CNTNAP2: variants seen among roughly 807,000 people sequenced by gnomAD.
CNTNAP2 encodes the protein contactin associated protein 2, also known as contactin-associated protein-like 2.
A neutral mutation model predicts 155.2 loss-of-function variants in CNTNAP2; 98 were observed. That is an observed-to-expected ratio of 0.63 (90% confidence interval 0.54 to 0.75). The LOEUF is 0.75. Ranked by LOEUF, CNTNAP2 falls within the 30% of genes least tolerant of loss-of-function variation. CNTNAP2 has a pLI of 0.00. For missense variants in CNTNAP2, 1,727 were observed against 1,688.1 expected (o/e 1.02, Z -0.40); for synonymous variants, 651 against 631.2 (o/e 1.03, Z -0.47).
intron 9 of CNTNAP2, among the ~76,000 whole-genome samples, chr7:147,366,801 ACACACACACACC>A (rs977252464): frequency 6.3e-5 from 9 of 143,122 alleles, no homozygotes; most frequent in South Asian, 2.2e-4. Context: ...ACACACACAC[ACACACACACACC>A]CCAATGTTTA....
intron 14 of CNTNAP2, among the ~76,000 whole-genome samples, chr7:147,960,175 G>A (rs972217491): frequency 6.6e-6 from 1 of 152,056 alleles, no homozygotes; most frequent in Non-Finnish European, 1.5e-5. Flanking sequence ...GAATTCCCAA[G>A]GACACTATAA....
intron 18 of CNTNAP2, among the ~76,000 whole-genome samples, chr7:148,181,091 G>GC (rs1236126871): frequency 2.0e-5 from 3 of 152,202 alleles, no homozygotes; most frequent in African/African-American, 7.2e-5. Flanking sequence ...ATGCTTTTGA[G>GC]CTTGGGCTAA....
At chr7:147,086,059 C>G (rs1337340117) in intron 4 of CNTNAP2, among the ~76,000 whole-genome samples, 1 of 152,166 alleles carries the variant, frequency 6.6e-6, no homozygotes, top group African/African-American at 2.4e-5. Context: ...CAGTTTCCTA[C>G]CGCAGCTTCC....
At chr7:147,651,552 G>A (rs779018308) in intron 13 of CNTNAP2, among the ~76,000 whole-genome samples, 74 of 152,096 alleles carry the variant, frequency 4.9e-4, no homozygotes, top group South Asian at 2.1e-4. Context: ...TATCACATAT[G>A]CCTCTCTAGG....
chr7:147,417,183 A>G (rs1782600678), intron 10 of CNTNAP2, among the ~76,000 whole-genome samples: 1 of 152,150 alleles, frequency 6.6e-6, no homozygotes, highest in Non-Finnish European at 1.5e-5. Context: ...TATGTATCAC[A>G]GAGGCTTAGA....
chr7:147,576,281 A>C (rs1800395255), intron 12 of CNTNAP2, among the ~76,000 whole-genome samples: 1 of 152,220 alleles, frequency 6.6e-6, no homozygotes, highest in Middle Eastern at 3.4e-3. Context: ...AGTAGCCACC[A>C]CCAATCTCAG....
At chr7:147,630,316 T>TAAAAA (rs71183024) in intron 12 of CNTNAP2, among the ~76,000 whole-genome samples, 12 of 73,100 alleles carry the variant, frequency 1.6e-4, no homozygotes, top group African/African-American at 3.4e-4. Flanking sequence ...GAAACAGTAG[T>TAAAAA]AAAAAAAAAA....
At chr7:147,961,410 T>C (rs1430832272) in intron 14 of CNTNAP2, among the ~76,000 whole-genome samples, 1 of 152,146 alleles carries the variant, frequency 6.6e-6, no homozygotes, top group East Asian at 1.9e-4. Flanking sequence ...AGAGCAACAA[T>C]GCACAAGATG....
At chr7:147,559,243 G>T (rs529258071) in intron 11 of CNTNAP2, among the ~76,000 whole-genome samples, 1 of 152,290 alleles carries the variant, frequency 6.6e-6, no homozygotes, top group East Asian at 1.9e-4. Context: ...TGTAGATAAA[G>T]GCCACACCAG....
Position 146,923,887 on chromosome 7 carries a change from C to A in CNTNAP2, c.402+83983C>A, listed in dbSNP as rs1361579073. Among the ~76,000 whole-genome samples the A allele has an allele frequency of 2.6e-5, 4 of 152,076 alleles. No homozygotes were observed. In the East Asian group the frequency reaches 7.7e-4, roughly 29 times the overall value. On this transcript the variant is annotated intron_variant, in intron 3 of 23. Transcript: ENST00000361727. ...TGTTAGAATTGAATATTCCTGGGACCTATCCCAGACTTACTGAGTCAGAAA... is the reference window on the plus strand; with the variant it reads ...TGTTAGAATTGAATATTCCTGGGACATATCCCAGACTTACTGAGTCAGAAA...
chr7:146,202,949 C>T (rs965678598), intron 1 of CNTNAP2, among the ~76,000 whole-genome samples: 2 of 152,150 alleles, frequency 1.3e-5, no homozygotes, highest in Admixed American at 1.3e-4. Flanking sequence ...AACATCTTAA[C>T]TATTTTGTAA....
chr7:146,383,548 A>G (rs1220130465), intron 1 of CNTNAP2, among the ~76,000 whole-genome samples: 11 of 152,176 alleles, frequency 7.2e-5, no homozygotes, highest in Admixed American at 7.2e-4. Context: ...AAATTGTAGG[A>G]TATAATTTAA....
chr7:148,399,680 C>A (rs888312052), intron 22 of CNTNAP2, among the ~76,000 whole-genome samples: 4 of 152,166 alleles, frequency 2.6e-5, no homozygotes, highest in Non-Finnish European at 5.9e-5. Context: ...GTAAATAATT[C>A]TCTCTGAAAT....
intron 1 of CNTNAP2, among the ~76,000 whole-genome samples, chr7:146,531,765 G>A (rs138469659): frequency 0.068 from 10,367 of 151,954 alleles, 890 homozygotes; most frequent in African/African-American, 0.2. Flanking sequence ...GGCTGGTTTC[G>A]AACTCCTGAC....
chr7:146,184,321 G>A (rs2030837), intron 1 of CNTNAP2, among the ~76,000 whole-genome samples: 5,039 of 152,182 alleles, frequency 0.033, 282 homozygotes, highest in African/African-American at 0.12. Context: ...TGAAACCTGA[G>A]ACTTCCAAAA....
intron 14 of CNTNAP2, among the ~76,000 whole-genome samples, chr7:147,968,785 A>T (rs1346531898): frequency 6.6e-6 from 1 of 152,094 alleles, no homozygotes; most frequent in Non-Finnish European, 1.5e-5. Flanking sequence ...ATTCACAGAG[A>T]TTTGATTTCT....
At chr7:146,536,368 A>G (rs1190632532) in intron 1 of CNTNAP2, among the ~76,000 whole-genome samples, 1 of 152,090 alleles carries the variant, frequency 6.6e-6, no homozygotes, top group African/African-American at 2.4e-5. Context: ...ATAATAAAGG[A>G]AACCCTTTCC....
chr7:147,732,683 T>A (rs1208570208), intron 13 of CNTNAP2, among the ~76,000 whole-genome samples: 1 of 152,192 alleles, frequency 6.6e-6, no homozygotes, highest in East Asian at 1.9e-4. Context: ...TTTCTCCACA[T>A]CTTCTCCAGC....
intron 1 of CNTNAP2, among the ~76,000 whole-genome samples, chr7:146,290,456 G>A (rs776486285): frequency 1.4e-4 from 22 of 152,094 alleles, no homozygotes; most frequent in Non-Finnish European, 2.9e-4. Context: ...AAGCTTATCC[G>A]CCAATTCACA....
Sources: gnomAD v4.1 joint callset for allele counts (sites outside exome capture counted in the v4.1 genomes callset) on GRCh38, gnomAD v4.1.1 for gene constraint, MANE v1.5 for transcripts, NCBI Gene and HGNC (gene_info 2026-07-23, HGNC 2026-07-21) for gene names.